Variants in GLI3 observed in about 807,000 individuals in gnomAD.
GLI3 encodes transcription activator GLI3.
GLI3 carries 20 observed loss-of-function variants against 100.8 expected under a neutral mutation model. The observed-to-expected ratio is 0.20, with a 90% CI of 0.14 to 0.29. The LOEUF (loss-of-function observed/expected upper bound fraction) is 0.29. Among genes scored for constraint, GLI3 ranks in the 10% least tolerant of loss-of-function variants. The probability of loss-of-function intolerance (pLI) is 1.00; values close to 1 mark genes in which losing one functional copy is unlikely to be tolerated. For missense variants in GLI3, 2,040 were observed against 2,128.5 expected (o/e 0.96, Z 0.82); for synonymous variants, 938 against 860.5 (o/e 1.09, Z -1.58).
At position 42,088,260 on chromosome 7, in the gene GLI3, G is replaced by A. The variant is rs546644395; in HGVS notation, c.368-11403C>T. Among the ~76,000 whole-genome samples the A allele has an allele frequency of 4.6e-5, 7 of 152,278 alleles. No homozygotes were observed. In the South Asian group the frequency reaches 1.5e-3, roughly 32 times the overall value. On this transcript the variant is annotated intron_variant, in intron 3 of 14. Coordinates refer to ENST00000395925, the MANE Select transcript of GLI3 (RefSeq NM_000168.6). The stretch of plus-strand genomic sequence containing the variant: ...TTTCTTCTTTAGAATGCCTTCTCAA[G>A]TCCACCGTCCACTTTGCAGCTACCT...
chr7:42,051,510 C>A (rs1391355528), intron 4 of GLI3, among the ~76,000 whole-genome samples: 1 of 152,164 alleles, frequency 6.6e-6, no homozygotes, highest in East Asian at 1.9e-4. Context: ...ACTGTGCTAA[C>A]ATATTCCACC....
intron 10 of GLI3, among the ~76,000 whole-genome samples, chr7:42,014,884 T>C (rs993051419): frequency 3.3e-5 from 5 of 152,218 alleles, no homozygotes; most frequent in Non-Finnish European, 5.9e-5. Flanking sequence ...GCAGCCTGCA[T>C]AGGCGAGCCT....
In GLI3 at chr7:42,172,761, T is replaced by G. The variant is rs563608788; in HGVS notation, c.125-24293A>C. On this transcript the variant is annotated intron_variant, in intron 2 of 14. Coordinates refer to ENST00000395925, the MANE Select transcript of GLI3 (RefSeq NM_000168.6). Reference sequence around the variant, plus strand: ...AGTAAAGTTAACACATTTCATTACTTGGCTATTATCACCTTCTATTTAACA... The same window carrying G: ...AGTAAAGTTAACACATTTCATTACTGGGCTATTATCACCTTCTATTTAACA... 3 of 628,134 alleles carry G rather than the reference T, an allele frequency of 4.8e-6. No individual in the cohort carries two copies. In the East Asian group the frequency reaches 8.2e-5, roughly 17 times the overall value. The allele number at this position is 628,134 out of a possible 1,614,324, so 38.9% of individuals were successfully genotyped here.
intron 2 of GLI3, among the ~76,000 whole-genome samples, chr7:42,165,851 T>C (rs1024710915): frequency 1.3e-5 from 2 of 152,142 alleles, no homozygotes; most frequent in Non-Finnish European, 2.9e-5. Context: ...CATAAAACCA[T>C]AGATGAAAAT....
At chr7:41,967,502 G>T in intron 14 of GLI3, 94 bp downstream of exon 14, 1 of 875,588 alleles carries the variant, frequency 1.1e-6, no homozygotes, top group Non-Finnish European at 1.9e-6. Context: ...TTTAGGACTG[G>T]TGGAGAAACT....
At chr7:42,113,200 T>C (rs1310757185) in intron 3 of GLI3, among the ~76,000 whole-genome samples, 2 of 151,992 alleles carry the variant, frequency 1.3e-5, no homozygotes, top group Non-Finnish European at 2.9e-5. Context: ...GCCCAAGGAA[T>C]GCCAGGGATG....
intron 7 of GLI3, among the ~76,000 whole-genome samples, chr7:42,030,872 C>T (rs1214616430): frequency 6.6e-6 from 1 of 152,092 alleles, no homozygotes; most frequent in Non-Finnish European, 1.5e-5. Context: ...GCATGCACCA[C>T]CATGCCCAGC....
chr7:42,155,625 G>C (rs976035471), intron 2 of GLI3, among the ~76,000 whole-genome samples: 13 of 152,130 alleles, frequency 8.5e-5, no homozygotes, highest in Admixed American at 5.2e-4. Context: ...CTCAAACCAA[G>C]GCAAAATTCT....
intron 2 of GLI3, among the ~76,000 whole-genome samples, chr7:42,196,451 T>C (rs1240212725): frequency 6.6e-6 from 1 of 152,166 alleles, no homozygotes; most frequent in Non-Finnish European, 1.5e-5. Context: ...TTGCAGAAGA[T>C]GTACCTCCCA....
At chr7:42,054,710 G>A (rs992522784) in intron 4 of GLI3, among the ~76,000 whole-genome samples, 6 of 152,056 alleles carry the variant, frequency 3.9e-5, no homozygotes, top group Non-Finnish European at 7.4e-5. Context: ...TTGTCCCAGT[G>A]CAGTGGCTCC....
At chr7:41,997,821 T>C (rs1788168678) in intron 10 of GLI3, among the ~76,000 whole-genome samples, 1 of 152,158 alleles carries the variant, frequency 6.6e-6, no homozygotes, top group South Asian at 2.1e-4. Context: ...AACATAAATA[T>C]ATAACTTGAA....
chr7:42,051,620 C>A (rs1285827154), intron 4 of GLI3, among the ~76,000 whole-genome samples: 13 of 152,098 alleles, frequency 8.5e-5, no homozygotes, highest in Admixed American at 8.5e-4. Flanking sequence ...GTAGGGGTAG[C>A]AAATGCAACA....
At chr7:42,024,964 T>C (rs932383135) in intron 9 of GLI3, among the ~76,000 whole-genome samples, 1 of 152,216 alleles carries the variant, frequency 6.6e-6, no homozygotes, top group Admixed American at 6.5e-5. Context: ...AACAAATTAA[T>C]GCAACCATTT....
chr7:42,169,909 A>C (rs1787329124), intron 2 of GLI3, among the ~76,000 whole-genome samples: 1 of 152,076 alleles, frequency 6.6e-6, no homozygotes, highest in South Asian at 2.1e-4. Context: ...TATAAGAAGT[A>C]ATATTCAATT....
intron 4 of GLI3, among the ~76,000 whole-genome samples, chr7:42,067,263 C>T (rs926150610): frequency 2.0e-5 from 3 of 152,070 alleles, no homozygotes; most frequent in African/African-American, 2.4e-5. Flanking sequence ...TATATGTTAA[C>T]GACAATGGGT....
chr7:42,206,129 G>A (rs187068805), intron 2 of GLI3, among the ~76,000 whole-genome samples: 6 of 152,094 alleles, frequency 3.9e-5, no homozygotes, highest in East Asian at 3.9e-4. Context: ...TTAGCCAGGC[G>A]TGGTGGTGCA....
intron 2 of GLI3, among the ~76,000 whole-genome samples, chr7:42,185,356 T>C (rs1051491687): frequency 2.6e-5 from 4 of 152,212 alleles, no homozygotes; most frequent in Admixed American, 6.5e-5. Flanking sequence ...GCTGCTTTCT[T>C]ATTCCCTATC....
At chr7:42,214,614 T>C (rs528959584) in intron 2 of GLI3, among the ~76,000 whole-genome samples, 47 of 147,230 alleles carry the variant, frequency 3.2e-4, no homozygotes, top group African/African-American at 1.1e-3. Context: ...AAGTCCAATC[T>C]ATATAAGTAA....
chr7:42,101,748 CATACAT>C (rs977268226), intron 3 of GLI3, among the ~76,000 whole-genome samples: 3 of 150,484 alleles, frequency 2.0e-5, no homozygotes, highest in African/African-American at 7.4e-5. Context: ...AGGTTAGTTA[CATACAT>C]ATACATGTAC....
Sources: allele counts gnomAD v4.1 joint callset (sites outside exome capture counted in the v4.1 genomes callset), GRCh38; gene constraint gnomAD v4.1.1; transcripts MANE v1.5; gene names NCBI Gene and HGNC (gene_info 2026-07-23, HGNC 2026-07-21).